SLC25A13: variants seen among roughly 807,000 people sequenced by gnomAD.
The protein encoded by SLC25A13 is solute carrier family 25 member 13.
In SLC25A13, 70 loss-of-function variants were observed where a neutral mutation model predicts 85.5. The ratio of observed to expected loss-of-function variants is 0.82; its 90% CI spans 0.68 to 1.00. SLC25A13 has a LOEUF of 1.00. Among genes scored for constraint, SLC25A13 ranks in the 50% least tolerant of loss-of-function variants. The pLI, the probability that SLC25A13 is intolerant of heterozygous loss-of-function variation, is 0.00. For synonymous variants in SLC25A13, 259 were observed against 288.7 expected (o/e 0.90, Z 1.04); for missense variants, 765 against 819.8 (o/e 0.93, Z 0.82).
chr7:96,170,163 T>C (rs1793939517), intron 12 of SLC25A13, 38 bp from the exon 13 acceptor site: 1 of 1,569,866 alleles, frequency 6.4e-7, no homozygotes, highest in Non-Finnish European at 8.8e-7. Context: ...ATGAAAAATA[T>C]AAAGAAAGTC....
At position 96,171,257 on chromosome 7, in the gene SLC25A13, A is replaced by G. The variant is rs555129027; in HGVS notation, c.1230+215T>C. On this transcript the variant is annotated intron_variant, in intron 12 of 17. Transcript: ENST00000265631. ...CTGCTGTGATGACAACAATGATGGC[A>G]GCAACCACCAAAAGTCCTCAAGTTT... Among the ~76,000 whole-genome samples the G allele has an allele frequency of 1.3e-4, 20 of 152,368 alleles. No homozygotes were observed. In the South Asian group the frequency reaches 3.7e-3, roughly 28 times the overall value.
chr7:96,221,165 T>C (rs1275135548), intron 4 of SLC25A13, among the ~76,000 whole-genome samples: 1 of 152,190 alleles, frequency 6.6e-6, no homozygotes, highest in Non-Finnish European at 1.5e-5. Context: ...TTTTCGTAAA[T>C]AGTGGATTTT....
At chr7:96,218,654 G>C (rs1795988079) in intron 4 of SLC25A13, among the ~76,000 whole-genome samples, 1 of 152,088 alleles carries the variant, frequency 6.6e-6, no homozygotes, top group African/African-American at 2.4e-5. Context: ...AAATAAAAAA[G>C]ATTCATCAAG....
intron 15 of SLC25A13, among the ~76,000 whole-genome samples, chr7:96,122,368 C>A (rs558748517): frequency 1.3e-5 from 2 of 152,182 alleles, no homozygotes; most frequent in South Asian, 2.1e-4. Context: ...CAAAAACTTG[C>A]GAAGTTATTA....
chr7:96,209,036 A>G (rs1795581695), intron 4 of SLC25A13, 59 bp from the exon 5 acceptor site: 1 of 1,555,136 alleles, frequency 6.4e-7, no homozygotes, highest in African/African-American at 1.4e-5. Context: ...TTCTGATAAA[A>G]TCTGTTATTG....
Position 96,184,265 on chromosome 7 carries a change from T to C in SLC25A13, c.1177+12A>G, listed in dbSNP as rs1794534847. 6.2e-7 allele frequency: 1 copy of C among 1,614,108 alleles called. No homozygotes were observed. The highest frequency in any genetic ancestry group is 1.7e-5 in the Admixed American group (1 of 60,036). On this transcript the variant is annotated intron_variant, in intron 11 of 17. Transcript: ENST00000265631. ...TATTTCACCTAACAGGTATTGAGCATGTGGCACTAACCTCTATACAGTCCA... is the reference window on the plus strand; with the variant it reads ...TATTTCACCTAACAGGTATTGAGCACGTGGCACTAACCTCTATACAGTCCA...
chr7:96,256,072 G>T (rs1797623399), intron 3 of SLC25A13, among the ~76,000 whole-genome samples: 1 of 152,032 alleles, frequency 6.6e-6, no homozygotes, highest in African/African-American at 2.4e-5. Flanking sequence ...ACTCCTGAAG[G>T]AAGCACTAAA....
intron 4 of SLC25A13, among the ~76,000 whole-genome samples, chr7:96,212,320 TG>T (rs1399358028): frequency 6.6e-6 from 1 of 152,136 alleles, no homozygotes; most frequent in Admixed American, 6.6e-5. Context: ...TAGCACAGCT[TG>T]GGAGCACTGT....
chr7:96,155,534 TA>T (rs112403236), intron 13 of SLC25A13, among the ~76,000 whole-genome samples: 3,132 of 152,266 alleles, frequency 0.021, 114 homozygotes, highest in African/African-American at 0.072. Context: ...GTCAGCCCTC[TA>T]ACAATGTACA....
intron 4 of SLC25A13, among the ~76,000 whole-genome samples, chr7:96,216,613 C>G (rs933298466): frequency 3.9e-5 from 6 of 152,126 alleles, no homozygotes; most frequent in African/African-American, 1.2e-4. Context: ...GTCGACGGAG[C>G]TGGAGGCCGT....
At chr7:96,321,334 GGA>G (rs1800331294) in intron 1 of SLC25A13, among the ~76,000 whole-genome samples, 1 of 152,194 alleles carries the variant, frequency 6.6e-6, no homozygotes, top group African/African-American at 2.4e-5. Context: ...GTTGTCAGAT[GGA>G]GAGAGGGAGG....
intron 13 of SLC25A13, among the ~76,000 whole-genome samples, chr7:96,160,377 A>G (rs1410393995): frequency 3.9e-5 from 6 of 152,236 alleles, no homozygotes; most frequent in Admixed American, 3.9e-4. Flanking sequence ...TTAGCCAGGG[A>G]GGCTATCCTT....
At chr7:96,162,208 C>T (rs1026972672) in intron 13 of SLC25A13, among the ~76,000 whole-genome samples, 13 of 152,186 alleles carry the variant, frequency 8.5e-5, no homozygotes, top group Admixed American at 2.6e-4. Context: ...CAATCTGTCT[C>T]ATCAGCTCTG....
chr7:96,144,630 G>T (rs1792703685), intron 14 of SLC25A13, among the ~76,000 whole-genome samples: 1 of 152,150 alleles, frequency 6.6e-6, no homozygotes, highest in African/African-American at 2.4e-5. Context: ...CACAAAAGTG[G>T]AAACAAGAAA....
intron 11 of SLC25A13, among the ~76,000 whole-genome samples, chr7:96,174,954 G>A (rs1477558536): frequency 6.6e-6 from 1 of 152,220 alleles, no homozygotes; most frequent in Non-Finnish European, 1.5e-5. Context: ...GAGGAACTGG[G>A]ATGAACACAG....
intron 1 of SLC25A13, among the ~76,000 whole-genome samples, chr7:96,304,863 A>C (rs1584599229): frequency 1.3e-5 from 2 of 152,358 alleles, no homozygotes; most frequent in Middle Eastern, 3.4e-3. Context: ...TGACTTATCG[A>C]CAAGTGGTTG....
chr7:96,228,938 C>T (rs1016817868), intron 4 of SLC25A13, among the ~76,000 whole-genome samples: 4 of 152,204 alleles, frequency 2.6e-5, no homozygotes, highest in Non-Finnish European at 5.9e-5. Context: ...CCTCAGCTGA[C>T]TCCCGGCGGG....
chr7:96,231,169 G>A (rs1329214423), intron 4 of SLC25A13, among the ~76,000 whole-genome samples: 3 of 152,104 alleles, frequency 2.0e-5, no homozygotes, highest in Non-Finnish European at 4.4e-5. Context: ...GACAACCTAG[G>A]CAATACCACT....
chr7:96,145,686 T>C lies in SLC25A13; in HGVS notation c.1452+870A>G, dbSNP rs534216241. Among the ~76,000 whole-genome samples the C allele has an allele frequency of 2.5e-4, 38 of 152,338 alleles. 1 individual carries two copies. In the South Asian group the frequency reaches 7.9e-3, roughly 32 times the overall value. Reference sequence around the variant, plus strand: ...GCTTGGGATAAAAATGAAGACAATGTATTCTGCAAAACCATGCTAACAGAT... The same window carrying C: ...GCTTGGGATAAAAATGAAGACAATGCATTCTGCAAAACCATGCTAACAGAT... On this transcript the variant is annotated intron_variant, in intron 14 of 17. Transcript: ENST00000265631.
Sources: gnomAD v4.1 joint callset for allele counts (sites outside exome capture counted in the v4.1 genomes callset) on GRCh38, gnomAD v4.1.1 for gene constraint, MANE v1.5 for transcripts, NCBI Gene and HGNC (gene_info 2026-07-23, HGNC 2026-07-21) for gene names.